Variants in MCTP2 observed in about 807,000 individuals in gnomAD.
The protein encoded by MCTP2 is multiple C2 and transmembrane domain-containing protein 2.
A neutral mutation model predicts 111.6 loss-of-function variants in MCTP2; 132 were observed. The observed-to-expected ratio is 1.18, with a 90% CI of 1.03 to 1.37. The LOEUF (loss-of-function observed/expected upper bound fraction) is 1.37. MCTP2 is among the 40% of genes most tolerant of loss of function. The pLI is 0.00. For missense variants in MCTP2, 1,183 were observed against 1,067.9 expected, an observed-to-expected ratio of 1.11 and a Z score of -1.50; for synonymous variants, 395 against 387.7, an observed-to-expected ratio of 1.02 and a Z score of -0.22.
At chr15:94,320,588 T>A (rs772625003) in intron 4 of MCTP2, among the ~76,000 whole-genome samples, 1 of 152,182 alleles carries the variant, frequency 6.6e-6, no homozygotes, top group Non-Finnish European at 1.5e-5. Context: ...CAAGGGAAAG[T>A]ACCTTTTCAG....
intron 1 of MCTP2, among the ~76,000 whole-genome samples, chr15:94,255,677 A>G (rs1050637395): frequency 3.9e-5 from 6 of 152,118 alleles, no homozygotes; most frequent in African/African-American, 1.4e-4. Context: ...GAGTGGCATT[A>G]AGGGTGGACC....
At chr15:94,387,193 A>T (rs2152458463) in intron 14 of MCTP2, among the ~76,000 whole-genome samples, 1 of 151,042 alleles carries the variant, frequency 6.6e-6, no homozygotes, top group South Asian at 2.1e-4. Context: ...AGAAGATCTA[A>T]GAAGTTACCT....
At chr15:94,476,830 A>C in intron 22 of MCTP2, 37 bp downstream of exon 22, 1 of 1,238,414 alleles carries the variant, frequency 8.1e-7, no homozygotes, top group Non-Finnish European at 1.2e-6. Context: ...AGTGGCCCCA[A>C]CCTGAAATCT....
intron 8 of MCTP2, among the ~76,000 whole-genome samples, chr15:94,349,784 C>T (rs2078200790): frequency 6.9e-6 from 1 of 144,338 alleles, no homozygotes; most frequent in African/African-American, 2.6e-5. Flanking sequence ...CGCAGCACTG[C>T]ACTCCAGCCT....
chr15:94,359,094 A>G (rs925898230), intron 10 of MCTP2, among the ~76,000 whole-genome samples: 2 of 152,078 alleles, frequency 1.3e-5, no homozygotes, highest in African/African-American at 4.8e-5. Flanking sequence ...CAACTGAGAC[A>G]CTCACATGTG....
chr15:94,335,308 T>C (rs2077310379), intron 4 of MCTP2, among the ~76,000 whole-genome samples: 1 of 152,132 alleles, frequency 6.6e-6, no homozygotes, highest in South Asian at 2.1e-4. Flanking sequence ...GAATATAAAA[T>C]CAGTGGAAGA....
chr15:94,323,234 T>C (rs534512742), intron 4 of MCTP2, among the ~76,000 whole-genome samples: 1 of 152,182 alleles, frequency 6.6e-6, no homozygotes, highest in African/African-American at 2.4e-5. Flanking sequence ...GGTTTAGCAA[T>C]GGTGTTGGGA....
intron 11 of MCTP2, among the ~76,000 whole-genome samples, chr15:94,368,020 G>A (rs1251521862): frequency 6.6e-6 from 1 of 152,234 alleles, no homozygotes; most frequent in Non-Finnish European, 1.5e-5. Flanking sequence ...GGCAAAAAGA[G>A]ATTCTGAATT....
In MCTP2 at chr15:94,479,324, C is replaced by A; in HGVS notation, c.*290C>A. On this transcript the variant is annotated 3_prime_UTR_variant, in exon 23 of 23. Coordinates refer to ENST00000357742, the MANE Select transcript of MCTP2 (RefSeq NM_001385001.1). The stretch of plus-strand genomic sequence containing the variant: ...AGGAGATAACAAGGCTGCCATGGAT[C>A]TGAACACCACCTTCCTTGAGAACAG... 1 of 427,064 alleles carries A rather than the reference C, an allele frequency of 2.3e-6. No individual in the cohort carries two copies. Among genetic ancestry groups the A allele is most frequent in the African/African-American group, 1.9e-5 (1 of 51,520 alleles). The allele number at this position is 427,064 out of a possible 1,614,324, so 26.5% of individuals were successfully genotyped here.
At chr15:94,417,825 A>G (rs537055780) in intron 17 of MCTP2, among the ~76,000 whole-genome samples, 18 of 152,262 alleles carry the variant, frequency 1.2e-4, no homozygotes, top group African/African-American at 4.3e-4. Context: ...TGCTATAAAT[A>G]GCATCACTCA....
rs191514165 is a variant in MCTP2 at position 94,268,582 on chromosome 15, C to A, written c.-65-29619C>A. On this transcript the variant is annotated intron_variant, in intron 1 of 22. Transcript: ENST00000357742. ...CCTTCTTGTTTTCTCCCTTGGCTGG[C>A]TTCCTTTGTATAGACTATGTGATTA... Among the ~76,000 whole-genome samples the A allele has an allele frequency of 2.8e-4, 43 of 152,184 alleles. No homozygotes were observed. The East Asian group carries it at 8.1e-3, about 29-fold the overall frequency.
chr15:94,383,625 C>A (rs1426744931), intron 12 of MCTP2, among the ~76,000 whole-genome samples: 1 of 152,164 alleles, frequency 6.6e-6, no homozygotes, highest in Admixed American at 6.6e-5. Flanking sequence ...GAAAGAAAAA[C>A]CACTTATAAA....
intron 1 of MCTP2, among the ~76,000 whole-genome samples, chr15:94,236,479 C>T (rs567245123): frequency 5.4e-4 from 72 of 133,750 alleles, no homozygotes; most frequent in African/African-American, 1.8e-3. Flanking sequence ...TGTGCGAGTG[C>T]GTAGAGTGAT....
intron 7 of MCTP2, 114 bp from the exon 8 acceptor site, chr15:94,345,011 TATTA>T: frequency 8.5e-7 from 1 of 1,170,426 alleles, no homozygotes; most frequent in Non-Finnish European, 1.2e-6. Context: ...AGAACTTGGA[TATTA>T]ATTATCTGAA....
intron 1 of MCTP2, among the ~76,000 whole-genome samples, chr15:94,249,959 T>C (rs1348492949): frequency 3.3e-5 from 5 of 152,156 alleles, no homozygotes; most frequent in Non-Finnish European, 5.9e-5. Context: ...TTACATTCGC[T>C]TATTACAAAA....
intron 17 of MCTP2, among the ~76,000 whole-genome samples, chr15:94,426,240 A>C (rs1191548788): frequency 6.6e-6 from 1 of 152,048 alleles, no homozygotes; most frequent in Non-Finnish European, 1.5e-5. Flanking sequence ...CATGTCTTTT[A>C]TAAATTTTGG....
intron 18 of MCTP2, among the ~76,000 whole-genome samples, chr15:94,441,704 C>T (rs2083790917): frequency 6.6e-6 from 1 of 152,212 alleles, no homozygotes; most frequent in South Asian, 2.1e-4. Flanking sequence ...TATGAAACTA[C>T]AGTGCATAGT....
rs1290574258 is a variant in MCTP2, at chr15:94,314,327, C to G, written c.511C>G (p.His171Asp). 1 of 1,606,072 alleles carries G rather than the reference C, an allele frequency of 6.2e-7. No homozygotes were observed. Among genetic ancestry groups the G allele is most frequent in the Non-Finnish European group, 8.5e-7 (1 of 1,175,992 alleles). ...CCTGAATGCTTCTATGACATCTCAACATTTTGAAGAACAATCTGTGAGTGG... is the reference window on the plus strand; with the variant it reads ...CCTGAATGCTTCTATGACATCTCAAGATTTTGAAGAACAATCTGTGAGTGG... ...SDLNASMTSQ[H>D]FEEQSVPGEA... Residue 171 changes from histidine (H) to aspartate (D), a missense_variant, in exon 3 of 23, where the codon CAT becomes GAT. By Grantham distance (81) the His-to-Asp change is moderately conservative. Transcript: ENST00000357742.
intron 1 of MCTP2, among the ~76,000 whole-genome samples, chr15:94,243,368 C>A (rs1250079577): frequency 7.6e-6 from 1 of 131,530 alleles, no homozygotes; most frequent in Non-Finnish European, 1.7e-5. Flanking sequence ...TGCGTATATG[C>A]GTATGTACAT....
Sources: gnomAD v4.1 joint callset for allele counts (sites outside exome capture counted in the v4.1 genomes callset) on GRCh38, gnomAD v4.1.1 for gene constraint, MANE v1.5 for transcripts, NCBI Gene and HGNC (gene_info 2026-07-23, HGNC 2026-07-21) for gene names.